The following MYOM1 variants were observed in gnomAD, a reference collection of about 807,000 sequenced individuals.
MYOM1 encodes the protein myomesin 1.
MYOM1 carries 164 observed loss-of-function variants against 205.3 expected under a neutral mutation model. The ratio of observed to expected loss-of-function variants is 0.80; its 90% CI spans 0.70 to 0.91. MYOM1 has a LOEUF of 0.91. Among genes scored for constraint, MYOM1 ranks in the 40% least tolerant of loss-of-function variants. The probability of loss-of-function intolerance (pLI) is 0.00; values close to 1 mark genes in which losing one functional copy is unlikely to be tolerated. For synonymous variants in MYOM1, 772 were observed against 789.4 expected (o/e 0.98, Z 0.37); for missense variants, 2,011 against 2,127.3 (o/e 0.95, Z 1.08).
the MYOM1 span, among the ~76,000 whole-genome samples, chr18:3,242,296 G>A: frequency 5.9e-5 from 9 of 152,098 alleles, no homozygotes; most frequent in Admixed American, 4.6e-4. Flanking sequence ...TTGAATCATG[G>A]GGGCAGTTCT....
At chr18:3,087,939 C>T (rs1268177275) in intron 29 of MYOM1, among the ~76,000 whole-genome samples, 1 of 152,146 alleles carries the variant, frequency 6.6e-6, no homozygotes, top group Non-Finnish European at 1.5e-5. Flanking sequence ...GGAATTGCCA[C>T]AGTAACGGAA....
chr18:3,139,797 A>G (rs1197363873), intron 14 of MYOM1, among the ~76,000 whole-genome samples: 1 of 152,144 alleles, frequency 6.6e-6, no homozygotes, highest in Non-Finnish European at 1.5e-5. Context: ...TGGGGGAAGA[A>G]TATTTAAATT....
At chr18:3,128,991 A>G (rs1233940649) in intron 18 of MYOM1, among the ~76,000 whole-genome samples, 1 of 152,228 alleles carries the variant, frequency 6.6e-6, no homozygotes, top group Non-Finnish European at 1.5e-5. Context: ...CTATAACCAA[A>G]TTACTTGAAA....
At chr18:3,072,332 G>A (rs7243096) in intron 36 of MYOM1, among the ~76,000 whole-genome samples, 7,783 of 132,790 alleles carry the variant, frequency 0.059, 414 homozygotes, top group African/African-American at 0.14. Flanking sequence ...TACAGCAGGC[G>A]TGAGCCACCG....
chr18:3,109,889 T>C (rs180799049), intron 22 of MYOM1, among the ~76,000 whole-genome samples: 24 of 152,206 alleles, frequency 1.6e-4, no homozygotes, highest in Admixed American at 1.6e-3. Context: ...ACTCCCAAAG[T>C]GTTGGGATTA....
In MYOM1 at chr18:3,067,494, T is replaced by C. The variant is rs1286611107; in HGVS notation, c.4826A>G (p.Asn1609Ser). 1.1e-5 allele frequency: 18 copies of C among 1,613,870 alleles called. No individual in the cohort carries two copies. Among genetic ancestry groups the C allele is most frequent in the Non-Finnish European group, 1.4e-5 (17 of 1,179,904 alleles). Residue 1609 changes from asparagine to serine, a missense_variant, in exon 38 of 38, where the codon AAC becomes AGC. Coordinates refer to ENST00000356443, the MANE Select transcript of MYOM1 (RefSeq NM_003803.4). ...GTCGTCTGAGGCCAGGGCCTTCTCGTTCTTCAACCACGACACCTCCGGAGG... is the reference window on the plus strand; with the variant it reads ...GTCGTCTGAGGCCAGGGCCTTCTCGCTCTTCAACCACGACACCTCCGGAGG... ...DPPPEVSWLKNEKALASDDHC... is the reference protein window; with the variant it reads ...DPPPEVSWLKSEKALASDDHC...
At chr18:3,243,195 C>T in the MYOM1 span, among the ~76,000 whole-genome samples, 792 of 152,114 alleles carry the variant, frequency 5.2e-3, 6 homozygotes, top group African/African-American at 0.017. Context: ...TTTATGTAAA[C>T]GCTTATTCAT....
chr18:3,199,487 A>C (rs1317011726), intron 2 of MYOM1, among the ~76,000 whole-genome samples: 2 of 152,366 alleles, frequency 1.3e-5, no homozygotes, highest in Admixed American at 1.3e-4. Flanking sequence ...AAGCCTGTGC[A>C]CATGTGCAGA....
At chr18:3,216,108 A>G (rs1006088301) in intron 1 of MYOM1, among the ~76,000 whole-genome samples, 1 of 152,096 alleles carries the variant, frequency 6.6e-6, no homozygotes, top group African/African-American at 2.4e-5. Context: ...TCTCTACTAA[A>G]AATACAAAAA....
chr18:3,189,039 TTTAA>T lies in MYOM1; in HGVS notation c.476_479del (p.Ile159LysfsTer7), dbSNP rs876657920. 2 of 1,613,670 alleles carry T rather than the reference TTTAA, an allele frequency of 1.2e-6. No homozygotes were observed. The highest frequency in any genetic ancestry group is 1.1e-5 in the South Asian group (1 of 91,076). On this transcript the variant is annotated frameshift_variant, in exon 4 of 38. Coordinates refer to ENST00000356443, the MANE Select transcript of MYOM1 (RefSeq NM_003803.4). LOFTEE classifies it high-confidence loss of function. The surrounding 1 kb of genome is among the most constrained non-coding windows in gnomAD (Gnocchi z 4.8). ...TCTGGGCTATATAAGCAGCAGCTTCTTTAATTCTTTCTTCTTCCGTATCAGTAAT... is the reference window on the plus strand; with the variant it reads ...TCTGGGCTATATAAGCAGCAGCTTCTTTCTTTCTTCTTCCGTATCAGTAAT...
In MYOM1 at chr18:3,135,302, A is replaced by G; in HGVS notation, c.2209+245T>C. The G allele has an allele frequency of 4.9e-6, 2 of 411,178 alleles. No individual in the cohort carries two copies. The highest frequency in any genetic ancestry group is 8.6e-6 in the Non-Finnish European group (2 of 232,032). The allele number at this position is 411,178 out of a possible 1,614,324, so 25.5% of individuals were successfully genotyped here. On this transcript the variant is annotated intron_variant, in intron 15 of 37. Coordinates refer to ENST00000356443, the MANE Select transcript of MYOM1 (RefSeq NM_003803.4). This position sits in a 1 kb window ranked among gnomAD's most constrained non-coding sequence, Gnocchi z 4.1. ...TTTAAAACAGTTAGGGAGCATGGATAAACTAAATGTCCATGAACTTCAGAA... is the reference window on the plus strand; with the variant it reads ...TTTAAAACAGTTAGGGAGCATGGATGAACTAAATGTCCATGAACTTCAGAA...
intron 25 of MYOM1, among the ~76,000 whole-genome samples, chr18:3,094,826 T>G (rs2079279437): frequency 6.6e-6 from 1 of 151,960 alleles, no homozygotes; most frequent in African/African-American, 2.4e-5. Context: ...CACATTCGGC[T>G]AGTTTTTTAT....
At chr18:3,079,041 G>A (rs1166906412) in intron 34 of MYOM1, 138 bp downstream of exon 34, 5 of 588,946 alleles carry the variant, frequency 8.5e-6, no homozygotes, top group Non-Finnish European at 1.4e-5. Flanking sequence ...TTGAACTCCT[G>A]ACTTCAAGTC....
chr18:3,072,314 G>T (rs1279918633), intron 36 of MYOM1, among the ~76,000 whole-genome samples: 1 of 142,212 alleles, frequency 7.0e-6, no homozygotes, highest in Middle Eastern at 4.5e-3. Context: ...CTCTGAAAAT[G>T]CTGGGATTAC....
At chr18:3,150,170 C>T (rs752955763) in intron 12 of MYOM1, among the ~76,000 whole-genome samples, 4 of 152,204 alleles carry the variant, frequency 2.6e-5, no homozygotes, top group Admixed American at 6.5e-5. Context: ...AATGATTCTC[C>T]TGCCTCAGCC....
At position 3,067,408 on chromosome 18, in the gene MYOM1, T is replaced by G. The variant is rs768650575; in HGVS notation, c.4912A>C (p.Thr1638Pro). 6.2e-7 allele frequency: 1 copy of G among 1,613,384 alleles called. No homozygotes were observed. Among genetic ancestry groups the G allele is most frequent in the Non-Finnish European group, 8.5e-7 (1 of 1,179,916 alleles). Residue 1638 changes from threonine (T) to proline (P), a missense_variant, in exon 38 of 38, where the codon ACC (threonine) becomes CCC (proline). Transcript: ENST00000356443. ...TAYFTINGVS[T>P]ADSGKYGLVV... ...AGCCCGTATTTGCCCGAGTCAGCGG[T>G]GCTCACGCCGTTGATGGTGAAGTAC...
the MYOM1 span, among the ~76,000 whole-genome samples, chr18:3,233,650 A>G: frequency 6.6e-6 from 1 of 152,308 alleles, no homozygotes; most frequent in Middle Eastern, 3.4e-3. Flanking sequence ...ATGCAAAAAG[A>G]GGTGTTATGT....
intron 10 of MYOM1, among the ~76,000 whole-genome samples, chr18:3,157,702 A>AATG (rs1364631651): frequency 6.8e-6 from 1 of 147,272 alleles, no homozygotes; most frequent in Non-Finnish European, 1.5e-5. Flanking sequence ...TAATAATAAT[A>AATG]ATAATAATAA....
At chr18:3,114,354 A>C (rs2079571356) in intron 21 of MYOM1, among the ~76,000 whole-genome samples, 2 of 150,370 alleles carry the variant, frequency 1.3e-5, no homozygotes, top group African/African-American at 4.9e-5. Context: ...TACGTAATCG[A>C]GATCATCGAT....
Sources: gnomAD v4.1 joint callset for allele counts (sites outside exome capture counted in the v4.1 genomes callset) on GRCh38, gnomAD v4.1.1 for gene constraint, Gnocchi (gnomAD v3.1) non-coding constraint, MANE v1.5 for transcripts, NCBI Gene and HGNC (gene_info 2026-07-23, HGNC 2026-07-21) for gene names.